Variants in INPP4B observed in about 807,000 individuals in gnomAD.
The protein encoded by INPP4B is inositol polyphosphate-4-phosphatase type II B.
A neutral mutation model predicts 122.5 loss-of-function variants in INPP4B; 55 were observed. The ratio of observed to expected loss-of-function variants is 0.45; its 90% CI spans 0.36 to 0.56. The LOEUF (loss-of-function observed/expected upper bound fraction) is 0.56. Ranked by LOEUF, INPP4B falls within the 20% of genes least tolerant of loss-of-function variation. The pLI, the probability that INPP4B is intolerant of heterozygous loss-of-function variation, is 0.00. For missense variants in INPP4B, 1,000 were observed against 1,097.7 expected (o/e 0.91, Z 1.26); for synonymous variants, 403 against 388.7 (o/e 1.04, Z -0.43).
chr4:142,368,336 C>T (rs1213859163), intron 7 of INPP4B, among the ~76,000 whole-genome samples: 1 of 151,992 alleles, frequency 6.6e-6, no homozygotes, highest in Non-Finnish European at 1.5e-5. Context: ...ATGAAAAATT[C>T]AGTGTCTCTA....
intron 2 of INPP4B, among the ~76,000 whole-genome samples, chr4:142,711,103 T>G (rs1453558085): frequency 6.6e-6 from 1 of 152,208 alleles, no homozygotes; most frequent in Non-Finnish European, 1.5e-5. Context: ...TTCCTTCTGT[T>G]GATTGTCAAA....
At chr4:142,383,243 TA>T (rs966003170) in intron 7 of INPP4B, among the ~76,000 whole-genome samples, 3 of 152,120 alleles carry the variant, frequency 2.0e-5, no homozygotes, top group African/African-American at 7.2e-5. Context: ...TTATAGCTGT[TA>T]AAAAAACATT....
At chr4:142,112,425 G>T in intron 22 of INPP4B, 117 bp downstream of exon 22, 3 of 1,084,906 alleles carry the variant, frequency 2.8e-6, no homozygotes, top group Admixed American at 2.7e-5. Context: ...CTGATAAAAA[G>T]AAAAATGTTA....
At chr4:142,193,933 G>C (rs1322975145) in intron 14 of INPP4B, among the ~76,000 whole-genome samples, 1 of 152,102 alleles carries the variant, frequency 6.6e-6, no homozygotes, top group Non-Finnish European at 1.5e-5. Flanking sequence ...CTAATGCAAA[G>C]TATCCCCATA....
chr4:142,192,268 A>T (rs1182617990), intron 15 of INPP4B, among the ~76,000 whole-genome samples: 1 of 144,974 alleles, frequency 6.9e-6, no homozygotes, highest in African/African-American at 2.5e-5. Flanking sequence ...TGTAACATGC[A>T]ATTCACCATG....
At chr4:142,746,684 A>G (rs1768805842) in intron 1 of INPP4B, among the ~76,000 whole-genome samples, 1 of 152,128 alleles carries the variant, frequency 6.6e-6, no homozygotes, top group South Asian at 2.1e-4. Context: ...ATATAGACCA[A>G]TGGAACAGAA....
chr4:142,063,169 A>G (rs1761899857), intron 25 of INPP4B, among the ~76,000 whole-genome samples: 1 of 152,164 alleles, frequency 6.6e-6, no homozygotes, highest in Non-Finnish European at 1.5e-5. Flanking sequence ...GTCAATATCT[A>G]TGAGGAGTGC....
chr4:142,024,471 T>C lies in INPP4B; in HGVS notation c.*4311A>G, dbSNP rs776699652. Reference sequence around the variant, plus strand: ...TGTTCAATATGTTTCCTTCCCTCTGTAACTGATGATCACAGTTTTTTTAGA... The same window carrying C: ...TGTTCAATATGTTTCCTTCCCTCTGCAACTGATGATCACAGTTTTTTTAGA... On this transcript the variant is annotated 3_prime_UTR_variant, in exon 26 of 26. Coordinates refer to ENST00000262992, the MANE Select transcript of INPP4B (RefSeq NM_001101669.3). The C allele has an allele frequency of 5.3e-5, 8 of 152,196 alleles. No homozygotes were observed. The highest frequency in any genetic ancestry group is 1.0e-4 in the Non-Finnish European group (7 of 68,022). The allele number at this position is 152,196 out of a possible 1,614,324, so 9.4% of individuals were successfully genotyped here.
intron 2 of INPP4B, among the ~76,000 whole-genome samples, chr4:142,549,960 G>A (rs1294166389): frequency 1.3e-5 from 2 of 152,174 alleles, no homozygotes; most frequent in Non-Finnish European, 2.9e-5. Context: ...CGTGTATTAG[G>A]AGGAGGGGGA....
chr4:142,787,942 C>A (rs1483997686), intron 1 of INPP4B, among the ~76,000 whole-genome samples: 11 of 150,364 alleles, frequency 7.3e-5, no homozygotes. Context: ...GGGGAGAGGG[C>A]AGAAATGTGA....
At chr4:142,575,344 C>T (rs376455411) in intron 2 of INPP4B, among the ~76,000 whole-genome samples, 16 of 152,060 alleles carry the variant, frequency 1.1e-4, no homozygotes, top group East Asian at 7.8e-4. Context: ...TATCAAACTA[C>T]GGAGGATTTT....
chr4:142,258,622 A>G (rs1409817695), intron 11 of INPP4B, among the ~76,000 whole-genome samples: 3 of 152,266 alleles, frequency 2.0e-5, no homozygotes, highest in Non-Finnish European at 4.4e-5. Flanking sequence ...ATCACTGGTC[A>G]TCAGAGAAAT....
intron 23 of INPP4B, among the ~76,000 whole-genome samples, chr4:142,089,918 G>C (rs1778695440): frequency 6.6e-6 from 1 of 152,120 alleles, no homozygotes; most frequent in African/African-American, 2.4e-5. Context: ...ATAGTCAGAG[G>C]AGGAGTCAAG....
At chr4:142,822,904 T>C (rs1431565995) in intron 1 of INPP4B, among the ~76,000 whole-genome samples, 1 of 152,214 alleles carries the variant, frequency 6.6e-6, no homozygotes, top group Non-Finnish European at 1.5e-5. Context: ...TACAAAGGTT[T>C]CTTTCTCATT....
At chr4:142,556,360 C>T (rs1729168454) in intron 2 of INPP4B, among the ~76,000 whole-genome samples, 1 of 152,098 alleles carries the variant, frequency 6.6e-6, no homozygotes, top group South Asian at 2.1e-4. Flanking sequence ...GTCCCTGACT[C>T]CAGACAGGAG....
chr4:142,025,467 A>C lies in INPP4B; in HGVS notation c.*3315T>G, dbSNP rs576731650. 5 of 152,236 alleles carry C rather than the reference A, an allele frequency of 3.3e-5. No homozygotes were observed. In the South Asian group the frequency reaches 1.0e-3, roughly 32 times the overall value. 9.4% of individuals were successfully genotyped at this position (152,236 alleles called of 1,614,324 possible). ...TAATGTTTAACAACTAGCTTACAAA[A>C]TTTCTGGTACTTTAATTATCAACTT... On this transcript the variant is annotated 3_prime_UTR_variant, in exon 26 of 26. Coordinates refer to ENST00000262992, the MANE Select transcript of INPP4B (RefSeq NM_001101669.3).
At chr4:142,832,899 T>G (rs767008356) in intron 1 of INPP4B, among the ~76,000 whole-genome samples, 13 of 152,172 alleles carry the variant, frequency 8.5e-5, no homozygotes, top group Admixed American at 2.6e-4. Context: ...AGCCATAAAG[T>G]GTATTAAAAT....
intron 9 of INPP4B, among the ~76,000 whole-genome samples, chr4:142,296,658 A>G (rs1758839162): frequency 6.6e-6 from 1 of 152,244 alleles, no homozygotes; most frequent in Non-Finnish European, 1.5e-5. Context: ...AAGATAACTT[A>G]GTCTCAGAAC....
chr4:142,715,363 G>T (rs1244340096), intron 2 of INPP4B, among the ~76,000 whole-genome samples: 8 of 152,120 alleles, frequency 5.3e-5, no homozygotes, highest in Admixed American at 3.9e-4. Flanking sequence ...TATTTAATTT[G>T]AATTTAACTC....
Sources: allele counts gnomAD v4.1 joint callset (sites outside exome capture counted in the v4.1 genomes callset), GRCh38; gene constraint gnomAD v4.1.1; transcripts MANE v1.5; gene names NCBI Gene and HGNC (gene_info 2026-07-23, HGNC 2026-07-21).